Variants in PSEN1 observed in about 807,000 individuals in gnomAD.
The protein encoded by PSEN1 is presenilin 1.
Under a neutral mutation model 53.5 loss-of-function variants are expected in PSEN1, and 15 were observed. That is an observed-to-expected ratio of 0.28 (90% confidence interval 0.19 to 0.43). The LOEUF (loss-of-function observed/expected upper bound fraction) is 0.43. PSEN1 is among the 20% of genes least tolerant of loss of function. PSEN1 has a pLI of 1.00. For synonymous variants in PSEN1, 208 were observed against 209.8 expected (o/e 0.99, Z 0.08); for missense variants, 387 against 571.2 (o/e 0.68, Z 3.29).
Position 73,156,033 on chromosome 14 carries a change from A to G in PSEN1, c.87+7927A>G, listed in dbSNP as rs539359790. 3.9e-5 allele frequency among the ~76,000 whole-genome samples: 6 copies of G among 152,192 alleles called. No individual in the cohort carries two copies. The East Asian group carries it at 1.2e-3, about 29-fold the overall frequency. ...TTCTGCTCAGTTTTGCTGTGGATCT[A>G]AGTTTGCATTTAAAAATATTTTATG... On this transcript the variant is annotated intron_variant, in intron 3 of 11. Coordinates refer to ENST00000324501, the MANE Select transcript of PSEN1 (RefSeq NM_000021.4).
At chr14:73,191,255 C>T (rs772667148) in intron 6 of PSEN1, among the ~76,000 whole-genome samples, 49 of 152,178 alleles carry the variant, frequency 3.2e-4, no homozygotes, top group Non-Finnish European at 6.0e-4. Context: ...ATCAATTTCT[C>T]ATCTACTCTT....
chr14:73,202,473 T>A (rs1899265865), intron 8 of PSEN1, among the ~76,000 whole-genome samples: 1 of 62,336 alleles, frequency 1.6e-5, no homozygotes, highest in African/African-American at 6.1e-5. Context: ...TTTTTTTTTT[T>A]TTTTTTTTTT....
At chr14:73,212,873 GT>G (rs1899760531) in intron 10 of PSEN1, among the ~76,000 whole-genome samples, 1 of 152,140 alleles carries the variant, frequency 6.6e-6, no homozygotes. Flanking sequence ...TGGTTGTCTT[GT>G]TTTTGCAAGA....
chr14:73,180,755 A>G (rs1898186780), intron 5 of PSEN1, among the ~76,000 whole-genome samples: 1 of 152,228 alleles, frequency 6.6e-6, no homozygotes, highest in Non-Finnish European at 1.5e-5. Context: ...GGAAAGCTGA[A>G]CTAGGGATTT....
chr14:73,148,588 A>G (rs1175291536), intron 3 of PSEN1, among the ~76,000 whole-genome samples: 1 of 152,236 alleles, frequency 6.6e-6, no homozygotes, highest in African/African-American at 2.4e-5. Context: ...CTCACCAGCT[A>G]CATACACAGA....
At position 73,206,424 on chromosome 14, in the gene PSEN1, C is replaced by G. The variant is rs1594750510; in HGVS notation, c.907C>G (p.Pro303Ala). ...GTTGGTGAATATGGCAGAAGGAGAC[C>G]CGGAAGCTCAAAGGAGAGTATCCAA... ...VWLVNMAEGDPEAQRRVSKNS... is the reference protein window; with the variant it reads ...VWLVNMAEGDAEAQRRVSKNS... The change falls in exon 9 of 12, where the codon CCG (proline) becomes GCG (alanine). Residue 303 changes from proline (P) to alanine (A), a missense_variant. Physicochemically the swap from Pro to Ala is conservative, Grantham distance 27. Transcript: ENST00000324501. 1 of 1,613,916 alleles carries G rather than the reference C, an allele frequency of 6.2e-7. No homozygotes were observed. Among genetic ancestry groups the G allele is most frequent in the East Asian group, 2.2e-5 (1 of 44,866 alleles).
chr14:73,199,864 G>C (rs1361911001), intron 8 of PSEN1, among the ~76,000 whole-genome samples: 1 of 152,156 alleles, frequency 6.6e-6, no homozygotes, highest in Non-Finnish European at 1.5e-5. Flanking sequence ...TCCTGCCTCA[G>C]CCTCCGGAGT....
chr14:73,144,341 G>T (rs1304589151), intron 1 of PSEN1, among the ~76,000 whole-genome samples: 1 of 151,964 alleles, frequency 6.6e-6, no homozygotes, highest in Admixed American at 6.6e-5. Flanking sequence ...CGCCCAGCCA[G>T]CTTATCCTTT....
intron 5 of PSEN1, among the ~76,000 whole-genome samples, chr14:73,178,020 G>A (rs1455323681): frequency 9.2e-5 from 14 of 151,836 alleles, no homozygotes; most frequent in Admixed American, 6.6e-4. Flanking sequence ...CCCGGTTCAA[G>A]TGATTCTCCT....
chr14:73,170,931 A>G lies in PSEN1; in HGVS notation c.222A>G (p.Thr74=). The change falls in exon 4 of 12, where the codon ACA becomes ACG. Residue 74 remains threonine, a synonymous_variant. Transcript: ENST00000324501. ...ATGAGGAAGAAGATGAGGAGCTGAC[A>G]TTGAAATATGGCGCCAAGCATGTGA... ...EQDEEEDEEL[T]LKYGAKHVIM... 4 of 1,614,248 alleles carry G rather than the reference A, an allele frequency of 2.5e-6. No homozygotes were observed. The highest frequency in any genetic ancestry group is 1.1e-5 in the South Asian group (1 of 91,092).
At chr14:73,216,338 T>C (rs561893572) in intron 10 of PSEN1, among the ~76,000 whole-genome samples, 25 of 152,288 alleles carry the variant, frequency 1.6e-4, no homozygotes, top group Admixed American at 6.5e-4. Context: ...GACATGTGGA[T>C]TGTGATGATA....
chr14:73,144,242 A>G (rs1202490957), intron 1 of PSEN1, among the ~76,000 whole-genome samples: 1 of 151,870 alleles, frequency 6.6e-6, no homozygotes, highest in African/African-American at 2.4e-5. Context: ...GGGTTTCACC[A>G]TGTTGGCCAG....
intron 11 of PSEN1, among the ~76,000 whole-genome samples, chr14:73,218,173 G>C (rs534856914): frequency 5.8e-5 from 8 of 137,326 alleles, no homozygotes; most frequent in South Asian, 2.3e-4. Flanking sequence ...TGCAACTTCT[G>C]CCTCCTAGGT....
intron 10 of PSEN1, among the ~76,000 whole-genome samples, chr14:73,214,807 G>A (rs1398907661): frequency 1.3e-5 from 2 of 152,060 alleles, no homozygotes; most frequent in African/African-American, 4.8e-5. Context: ...TCGTTTAATG[G>A]GTGTAGAGTT....
At chr14:73,151,077 A>C (rs886668533) in intron 3 of PSEN1, among the ~76,000 whole-genome samples, 11 of 152,014 alleles carry the variant, frequency 7.2e-5, no homozygotes, top group African/African-American at 2.7e-4. Flanking sequence ...AAAAAAAAAA[A>C]CAAAAAAAAA....
intron 3 of PSEN1, among the ~76,000 whole-genome samples, chr14:73,152,148 G>A (rs1248120989): frequency 4.0e-5 from 6 of 148,546 alleles, no homozygotes; most frequent in East Asian, 4.0e-4. Context: ...TCCTGACCTC[G>A]TGATTCGCCC....
At chr14:73,158,363 G>A (rs1161343727) in intron 3 of PSEN1, among the ~76,000 whole-genome samples, 1 of 149,926 alleles carries the variant, frequency 6.7e-6, no homozygotes, top group African/African-American at 2.5e-5. Flanking sequence ...GCTCCATCTG[G>A]AGCAAAGGCT....
At chr14:73,186,505 A>G (rs988950925) in intron 5 of PSEN1, among the ~76,000 whole-genome samples, 2 of 152,158 alleles carry the variant, frequency 1.3e-5, no homozygotes, top group African/African-American at 4.8e-5. Flanking sequence ...GGCCGGGCAT[A>G]GTGGTGCACA....
chr14:73,147,669 A>C, intron 1 of PSEN1, 126 bp from the exon 2 acceptor site: 2 of 330,328 alleles, frequency 6.1e-6, no homozygotes, highest in East Asian at 1.5e-4. Context: ...TTTGTCAGTT[A>C]GTTGAAAGTC....
Sources: allele counts gnomAD v4.1 joint callset (sites outside exome capture counted in the v4.1 genomes callset), GRCh38; gene constraint gnomAD v4.1.1; transcripts MANE v1.5; gene names NCBI Gene and HGNC (gene_info 2026-07-23, HGNC 2026-07-21).